Variants in NAPRT observed in about 807,000 individuals in gnomAD.
The protein encoded by NAPRT is nicotinate phosphoribosyltransferase, also known as FHA-HIT-interacting protein.
Under a neutral mutation model 60.7 loss-of-function variants are expected in NAPRT, and 66 were observed. The ratio of observed to expected loss-of-function variants is 1.09; its 90% CI spans 0.89 to 1.33. NAPRT has a LOEUF of 1.33. Among genes scored for constraint, NAPRT ranks in the 40% most tolerant of loss-of-function variants. The pLI, the probability that NAPRT is intolerant of heterozygous loss-of-function variation, is 0.00. For synonymous variants in NAPRT, 405 were observed against 335.7 expected, an observed-to-expected ratio of 1.21 and a Z score of -2.26; for missense variants, 818 against 731.5, an observed-to-expected ratio of 1.12 and a Z score of -1.36.
At chr8:143,574,740 C>T, downstream of NAPRT, 2 of 1,451,532 alleles carry the variant, frequency 1.4e-6, no homozygotes, top group East Asian at 4.9e-5. Flanking sequence ...GGAGGCGCAG[C>T]CCGTGGGCTG....
At chr8:143,575,747 G>A (rs1299416074) in intron 8 of NAPRT, 45 bp from the exon 9 acceptor site, 2 of 1,406,522 alleles carry the variant, frequency 1.4e-6, no homozygotes, top group African/African-American at 1.5e-5. Context: ...GCCCTGGGTG[G>A]GGAAGGGGGT....
intron 1 of NAPRT, 31 bp from the exon 2 acceptor site, chr8:143,577,974 C>A (rs780080863): frequency 6.3e-7 from 1 of 1,593,808 alleles, no homozygotes. Flanking sequence ...CTGAGACCAG[C>A]GCGGGGACAG....
In NAPRT at chr8:143,574,905, A is replaced by G. The variant is rs901827684; in HGVS notation, c.1555-5T>C. Reference sequence around the variant, plus strand: ...CAGCCTCTCGGACAGCACCACCTGCAGGGAGCAGAGGACAGGAGCGGTGGG... The same window carrying G: ...CAGCCTCTCGGACAGCACCACCTGCGGGGAGCAGAGGACAGGAGCGGTGGG... On this transcript the variant is annotated splice_region_variant and splice_polypyrimidine_tract_variant and intron_variant, in intron 12 of 12. Coordinates refer to ENST00000449291, the MANE Select transcript of NAPRT (RefSeq NM_145201.6). The G allele has an allele frequency of 1.6e-5, 25 of 1,550,520 alleles. No individual in the cohort carries two copies. The African/African-American group carries it at 2.9e-4, about 18-fold the overall frequency.
In NAPRT at chr8:143,577,131, CA is replaced by C; in HGVS notation, c.614del (p.Val205GlyfsTer97). 5 of 1,612,978 alleles carry C rather than the reference CA, an allele frequency of 3.1e-6. No individual in the cohort carries two copies. Among genetic ancestry groups the C allele is most frequent in the Non-Finnish European group, 4.2e-6 (5 of 1,179,936 alleles). On this transcript the variant is annotated frameshift_variant, in exon 5 of 13. Coordinates refer to ENST00000449291, the MANE Select transcript of NAPRT (RefSeq NM_145201.6). LOFTEE classifies it high-confidence loss of function. ...AGTGGGCCAGGGTCCCGGCCACCGGCACACCTCGCAGCTGGCCCGCTAGCAC... is the reference window on the plus strand; with the variant it reads ...AGTGGGCCAGGGTCCCGGCCACCGGCCACCTCGCAGCTGGCCCGCTAGCAC... ...SNVLAGQLRG[V>X]PVAGTLAHSF...
rs777810066 is a variant in NAPRT, at chr8:143,576,100, GCCT to G, written c.1082_1084del (p.Glu361del). On this transcript the variant is annotated inframe_deletion, in exon 8 of 13. Coordinates refer to ENST00000449291, the MANE Select transcript of NAPRT (RefSeq NM_145201.6). Reference sequence around the variant, plus strand: ...CACCTCCTGGGCCAGTCGGGCCAGCGCCTCCTCGTCAATGTTGTTGCTGACTAC... The same window carrying G: ...CACCTCCTGGGCCAGTCGGGCCAGCGCCTCGTCAATGTTGTTGCTGACTAC... The G allele has an allele frequency of 6.2e-7, 1 of 1,602,666 alleles. No homozygotes were observed. Among genetic ancestry groups the G allele is most frequent in the Admixed American group, 1.7e-5 (1 of 59,282 alleles).
At chr8:143,573,337 C>T (rs188760258), downstream of NAPRT, among the ~76,000 whole-genome samples, 913 of 152,320 alleles carry the variant, frequency 6.0e-3, 6 homozygotes, top group Non-Finnish European at 9.7e-3. Flanking sequence ...AGAGCTTGTG[C>T]AGGCCCCTCT....
intron 3 of NAPRT, 37 bp from the exon 4 acceptor site, chr8:143,577,436 G>A (rs747098598): frequency 1.3e-6 from 2 of 1,585,706 alleles, no homozygotes; most frequent in South Asian, 1.1e-5. Flanking sequence ...CCCAGGGTGA[G>A]GATCACTAGG....
chr8:143,575,139 G>T, intron 11 of NAPRT, 46 bp from the exon 12 acceptor site: 1 of 1,573,412 alleles, frequency 6.4e-7, no homozygotes, highest in East Asian at 2.3e-5. Context: ...CTAGCTCCCA[G>T]TCAGGGCTCT....
chr8:143,577,274 A>G lies in NAPRT; in HGVS notation c.563T>C (p.Leu188Pro), dbSNP rs1437083886. Residue 188 changes from leucine to proline, a missense_variant, in exon 4 of 13, where the codon CTG becomes CCG. Transcript: ENST00000449291. ...GGLTASTYSY[L>P]GGFDSSSNVL... ...GCCCCGCACCAGACACTCACCGCCC[A>G]GGTAGCTGTAGGTGGAGGCTGTCAG... 3 of 1,609,002 alleles carry G rather than the reference A, an allele frequency of 1.9e-6. No homozygotes were observed. The highest frequency in any genetic ancestry group is 1.7e-6 in the Non-Finnish European group (2 of 1,177,968).
At position 143,578,257 on chromosome 8, in the gene NAPRT, T is replaced by TA. The variant is rs1824665062; in HGVS notation, c.61dup (p.Tyr21LeufsTer207). ...ATAGCCCAACGCCATGGTGGCCTGG[T>TA]AGAGGTCAGTGAGCAGCGGCCGCGC... On this transcript the variant is annotated frameshift_variant, in exon 1 of 13. Transcript: ENST00000449291. LOFTEE classifies it high-confidence loss of function. 6.8e-7 allele frequency: 1 copy of TA among 1,478,096 alleles called. No individual in the cohort carries two copies. Among genetic ancestry groups the TA allele is most frequent in the South Asian group, 1.3e-5 (1 of 77,010 alleles). The allele number at this position is 1,478,096 out of a possible 1,614,324, so 91.6% of individuals were successfully genotyped here. A position where few individuals can be genotyped will look rare whatever the true frequency, so the allele number is the denominator to read the frequency against.
intron 9 of NAPRT, 23 bp downstream of exon 9, chr8:143,575,599 T>C: frequency 6.3e-7 from 1 of 1,584,780 alleles, no homozygotes; most frequent in Non-Finnish European, 8.6e-7. Flanking sequence ...TGCCCCCACC[T>C]GGGCCCCCGA....
At chr8:143,574,583 C>T, downstream of NAPRT, 3 of 601,554 alleles carry the variant, frequency 5.0e-6, no homozygotes, top group Middle Eastern at 4.5e-4. Flanking sequence ...TCCCCACAGC[C>T]TACCCAAAGC....
At position 143,577,163 on chromosome 8, in the gene NAPRT, T is replaced by C. The variant is rs1218049013; in HGVS notation, c.583A>G (p.Ser195Gly). ...CGCAGCTGGCCCGCTAGCACGTTGCTGCTGCTGTCGAAGCCTGGGGAGGAA... is the reference window on the plus strand; with the variant it reads ...CGCAGCTGGCCCGCTAGCACGTTGCCGCTGCTGTCGAAGCCTGGGGAGGAA... ...YSYLGGFDSS[S>G]NVLAGQLRGV... The change falls in exon 5 of 13, where the codon AGC (serine) becomes GGC (glycine). Residue 195 changes from serine (S) to glycine (G), a missense_variant. Ser to Gly is a moderately conservative substitution (Grantham distance 56, BLOSUM62 0). Transcript: ENST00000449291. 2.5e-6 allele frequency: 4 copies of C among 1,612,140 alleles called. No homozygotes were observed. Among genetic ancestry groups the C allele is most frequent in the Non-Finnish European group, 2.5e-6 (3 of 1,179,470 alleles).
downstream of NAPRT, chr8:143,574,617 G>A (rs975955864): frequency 1.1e-5 from 7 of 627,976 alleles, no homozygotes; most frequent in South Asian, 7.5e-5. Flanking sequence ...ACTGCCCTTC[G>A]GGCTTCAGCA....
At chr8:143,576,291 G>C in intron 7 of NAPRT, 129 bp from the exon 8 acceptor site, 1 of 1,380,470 alleles carries the variant, frequency 7.2e-7, no homozygotes, top group East Asian at 2.4e-5. Flanking sequence ...GGAGCTCCTA[G>C]GGAGCCCCAC....
Position 143,578,202 on chromosome 8 carries a change from G to A in NAPRT, c.117C>T (p.Ala39=). The A allele has an allele frequency of 1.3e-6, 2 of 1,507,146 alleles. No individual in the cohort carries two copies. Among genetic ancestry groups the A allele is most frequent in the Admixed American group, 2.2e-5 (1 of 45,180 alleles). 93.4% of individuals were successfully genotyped at this position (1,507,146 alleles called of 1,614,324 possible). The stretch of plus-strand genomic sequence containing the variant: ...AGCGGCGGAAGAAGAGCTCGAACTC[G>A]GCGGCGTCCCGCGCCCGGCCCGCGC... ...YWRAGRARDA[A]EFELFFRRCP... is the part of the protein sequence containing the mutation. Residue 39 remains alanine, a synonymous_variant, in exon 1 of 13, where the codon GCC becomes GCT. Transcript: ENST00000449291.
intron 1 of NAPRT, 41 bp downstream of exon 1, chr8:143,578,052 C>T (rs1824630574): frequency 2.0e-6 from 3 of 1,490,286 alleles, no homozygotes; most frequent in Non-Finnish European, 2.7e-6. Flanking sequence ...GTGGGGGTTT[C>T]TGCCGGGCGT....
In NAPRT at chr8:143,575,258, T is replaced by C. The variant is rs746140281; in HGVS notation, c.1379A>G (p.Gln460Arg). The change falls in exon 11 of 13, where the codon CAG becomes CGG. Residue 460 changes from glutamine (Q) to arginine (R), a missense_variant. Physicochemically the swap from Gln to Arg is conservative, Grantham distance 43. Coordinates refer to ENST00000449291, the MANE Select transcript of NAPRT (RefSeq NM_145201.6). The stretch of plus-strand genomic sequence containing the variant: ...GGCTGGCCTCACGGTGCAGGGCTCC[T>C]GGGCCCCTGGAGGCCACACCCTCAG... ...QELRVWPPGA[Q>R]EPCTVRPAQV... 6.2e-7 allele frequency: 1 copy of C among 1,612,608 alleles called. No individual in the cohort carries two copies. Among genetic ancestry groups the C allele is most frequent in the Non-Finnish European group, 8.5e-7 (1 of 1,179,954 alleles).
In NAPRT at chr8:143,577,197, G is replaced by A. The variant is rs542914114; in HGVS notation, c.569-20C>T. The stretch of plus-strand genomic sequence containing the variant: ...CGAAGCCTGGGGAGGAAGGCGGTGG[G>A]ATTGGGGGACCTCGGGCCAAGATGG... On this transcript the variant is annotated intron_variant, in intron 4 of 12. Coordinates refer to ENST00000449291, the MANE Select transcript of NAPRT (RefSeq NM_145201.6). The A allele has an allele frequency of 5.6e-6, 9 of 1,608,200 alleles. No individual in the cohort carries two copies. The African/African-American group carries it at 9.3e-5, about 17-fold the overall frequency.
Sources: allele counts gnomAD v4.1 joint callset (sites outside exome capture counted in the v4.1 genomes callset), GRCh38; gene constraint gnomAD v4.1.1; transcripts MANE v1.5; gene names NCBI Gene and HGNC (gene_info 2026-07-23, HGNC 2026-07-21).